Variants in VSTM2L observed in about 807,000 individuals in gnomAD.
VSTM2L encodes the protein V-set and transmembrane domain containing 2 like, also known as V-set and transmembrane domain-containing protein 2-like protein.
A neutral mutation model predicts 19.9 loss-of-function variants in VSTM2L; 9 were observed. The observed-to-expected ratio is 0.45, with a 90% CI of 0.27 to 0.79. The LOEUF is 0.79. Ranked by LOEUF, VSTM2L falls within the 30% of genes least tolerant of loss-of-function variation. The pLI is 0.15. For synonymous variants in VSTM2L, 127 were observed against 133.8 expected (o/e 0.95, Z 0.35); for missense variants, 286 against 295.5 (o/e 0.97, Z 0.24).
At position 37,926,038 on chromosome 20, in the gene VSTM2L, G is replaced by A. The variant is rs78545353; in HGVS notation, c.122-5597G>A. ...ACCCTGCCCCACAGGACTCTGCAAG[G>A]TTGGCCATTTGAGATTGAGCCCTTT... On this transcript the variant is annotated intron_variant, in intron 1 of 3. Transcript: ENST00000373461. 4.4e-4 allele frequency among the ~76,000 whole-genome samples: 67 copies of A among 152,316 alleles called. No individual in the cohort carries two copies. The East Asian group carries it at 0.012, about 27-fold the overall frequency.
chr20:37,925,140 C>A (rs544468224), intron 1 of VSTM2L, among the ~76,000 whole-genome samples: 43 of 152,094 alleles, frequency 2.8e-4, no homozygotes, highest in Admixed American at 2.5e-3. Flanking sequence ...TTAAACGAAG[C>A]TTTCTTTCCT....
chr20:37,906,561 G>T (rs1289842388), intron 1 of VSTM2L, among the ~76,000 whole-genome samples: 1 of 152,258 alleles, frequency 6.6e-6, no homozygotes. Context: ...GACCATTCAT[G>T]CAAGGTTGGT....
chr20:37,929,894 C>T (rs557188196), intron 1 of VSTM2L, among the ~76,000 whole-genome samples: 1 of 152,236 alleles, frequency 6.6e-6, no homozygotes, highest in East Asian at 1.9e-4. Flanking sequence ...GAGGGATCTT[C>T]CTTCCAGGTG....
chr20:37,939,848 G>A (rs1338717248), intron 3 of VSTM2L, among the ~76,000 whole-genome samples: 3 of 152,202 alleles, frequency 2.0e-5, no homozygotes, highest in Admixed American at 6.5e-5. Context: ...CACGGTCAGC[G>A]CCTGGCCTCC....
intron 1 of VSTM2L, among the ~76,000 whole-genome samples, chr20:37,916,867 G>C (rs1320058196): frequency 2.0e-5 from 3 of 152,172 alleles, no homozygotes; most frequent in Non-Finnish European, 4.4e-5. Context: ...GAAATATCCG[G>C]AGTAGGCAAA....
Position 37,944,131 on chromosome 20 carries a change from C to T in VSTM2L, c.493C>T (p.Pro165Ser). The T allele has an allele frequency of 6.2e-7, 1 of 1,610,502 alleles. No homozygotes were observed. Among genetic ancestry groups the T allele is most frequent in the Non-Finnish European group, 8.5e-7 (1 of 1,178,230 alleles). The change falls in exon 4 of 4, where the codon CCA becomes TCA. Residue 165 changes from proline (P) to serine (S), a missense_variant. By Grantham distance (74) the Pro-to-Ser change is moderately conservative (BLOSUM62 -1). Transcript: ENST00000373461. ...HKVKAYLRVQ[P>S]GENSVLHLPE... ...GGTCAAGGCCTACCTGCGGGTGCAG[C>T]CAGGGGAGAACTCCGTCCTGCATCT...
At chr20:37,921,838 C>CTTTTTTTTTTTTTTTTTTT (rs756122087) in intron 1 of VSTM2L, among the ~76,000 whole-genome samples, 3 of 91,782 alleles carry the variant, frequency 3.3e-5, no homozygotes, top group East Asian at 2.7e-4. Flanking sequence ...CTTTCTTTTC[C>CTTTTTTTTTTTTTTTTTTT]TTTTTTTTTT....
At chr20:37,917,024 T>C (rs1421025439) in intron 1 of VSTM2L, among the ~76,000 whole-genome samples, 1 of 152,088 alleles carries the variant, frequency 6.6e-6, no homozygotes, top group African/African-American at 2.4e-5. Context: ...TTTAAAGTGG[T>C]TAATTTTGGC....
intron 1 of VSTM2L, among the ~76,000 whole-genome samples, chr20:37,928,086 G>A (rs1251220033): frequency 1.3e-5 from 2 of 152,148 alleles, no homozygotes; most frequent in East Asian, 3.9e-4. Flanking sequence ...GGCCACAGCC[G>A]TGTCCCTCCA....
chr20:37,914,058 TG>T (rs2072795801), intron 1 of VSTM2L, among the ~76,000 whole-genome samples: 1 of 151,786 alleles, frequency 6.6e-6, no homozygotes, highest in Non-Finnish European at 1.5e-5. Context: ...CATGGGATGC[TG>T]GGGCTGGCCG....
At chr20:37,930,717 C>T (rs944522908) in intron 1 of VSTM2L, among the ~76,000 whole-genome samples, 82 of 152,160 alleles carry the variant, frequency 5.4e-4, no homozygotes, top group African/African-American at 1.9e-3. Context: ...AACCGTATGC[C>T]CTGGGCTGTG....
At chr20:37,907,218 T>C (rs1569941) in intron 1 of VSTM2L, among the ~76,000 whole-genome samples, 42,371 of 152,148 alleles carry the variant, frequency 0.28, 8,124 homozygotes, top group African/African-American at 0.55. Flanking sequence ...ATGATCCTTT[T>C]ACCTCAGCCT....
At chr20:37,914,315 T>C (rs1337680448) in intron 1 of VSTM2L, among the ~76,000 whole-genome samples, 37 of 145,788 alleles carry the variant, frequency 2.5e-4, no homozygotes, top group South Asian at 4.4e-4. Flanking sequence ...TGCATCTGTG[T>C]GTATGTGTGT....
At chr20:37,927,312 G>A (rs1243175274) in intron 1 of VSTM2L, among the ~76,000 whole-genome samples, 1 of 152,116 alleles carries the variant, frequency 6.6e-6, no homozygotes, top group African/African-American at 2.4e-5. Context: ...TGATATCTTG[G>A]CTTAAATAAA....
At chr20:37,943,435 T>C (rs1023574727) in intron 3 of VSTM2L, among the ~76,000 whole-genome samples, 15 of 151,288 alleles carry the variant, frequency 9.9e-5, no homozygotes, top group Admixed American at 2.6e-4. Context: ...CTATTTTTTT[T>C]TTTTTTTTTT....
chr20:37,904,576 A>C (rs2122927286), intron 1 of VSTM2L, among the ~76,000 whole-genome samples: 1 of 152,332 alleles, frequency 6.6e-6, no homozygotes, highest in East Asian at 1.9e-4. Context: ...AAACCAAAGG[A>C]GACCTTTCTT....
At position 37,943,276 on chromosome 20, in the gene VSTM2L, GC is replaced by G. The variant is rs563282476; in HGVS notation, c.343-703del. ...TTCCAGGCATGAGCCACCGCACTTG[GC>G]CTGGTTTGGTTTTTAAAAGACCGGT... is the stretch of plus-strand genomic sequence containing the variant. On this transcript the variant is annotated intron_variant, in intron 3 of 3. Transcript: ENST00000373461. 5.9e-4 allele frequency among the ~76,000 whole-genome samples: 89 copies of G among 150,882 alleles called. 1 individual carries two copies. In the East Asian group the frequency reaches 0.017, roughly 29 times the overall value.
intron 3 of VSTM2L, among the ~76,000 whole-genome samples, chr20:37,934,933 C>T (rs1367307083): frequency 6.6e-6 from 1 of 152,132 alleles, no homozygotes; most frequent in Non-Finnish European, 1.5e-5. Context: ...GGTCCACCCC[C>T]GACCCTCTGC....
intron 3 of VSTM2L, 73 bp from the exon 4 acceptor site, chr20:37,943,908 A>AG (rs1468757923): frequency 2.1e-4 from 38 of 178,218 alleles, no homozygotes; most frequent in Middle Eastern, 7.8e-4. Flanking sequence ...CGATCTTGGG[A>AG]CCCCCCCCCC....
Sources: allele counts gnomAD v4.1 joint callset (sites outside exome capture counted in the v4.1 genomes callset), GRCh38; gene constraint gnomAD v4.1.1; transcripts MANE v1.5; gene names NCBI Gene and HGNC (gene_info 2026-07-23, HGNC 2026-07-21).